CNTNAP5: variants seen among roughly 807,000 people sequenced by gnomAD.
CNTNAP5 encodes the protein contactin associated protein family member 5.
CNTNAP5 carries 72 observed loss-of-function variants against 150.2 expected under a neutral mutation model. That is an observed-to-expected ratio of 0.48 (90% confidence interval 0.40 to 0.58). The LOEUF is 0.58. CNTNAP5 is among the 20% of genes least tolerant of loss of function. The pLI is 0.00. For synonymous variants in CNTNAP5, 672 were observed against 619.8 expected (o/e 1.08, Z -1.25); for missense variants, 1,636 against 1,626.2 (o/e 1.01, Z -0.10).
intron 1 of CNTNAP5, among the ~76,000 whole-genome samples, chr2:124,043,501 A>T (rs1423415270): frequency 1.3e-5 from 2 of 152,068 alleles, no homozygotes; most frequent in African/African-American, 2.4e-5. Flanking sequence ...CAATCTTTTC[A>T]ATCTTTTTAT....
chr2:124,572,078 T>C (rs1696177410), intron 11 of CNTNAP5, among the ~76,000 whole-genome samples: 1 of 152,144 alleles, frequency 6.6e-6, no homozygotes, highest in Admixed American at 6.5e-5. Flanking sequence ...TTTGTCAGGA[T>C]CTAGGTGATT....
rs143523979 is a variant in CNTNAP5 at position 124,627,112 on chromosome 2, G to A, written c.1876+17192G>A. Among the ~76,000 whole-genome samples the A allele has an allele frequency of 5.1e-4, 77 of 152,272 alleles. 1 individual carries two copies. Among genetic ancestry groups the A allele is most frequent in the African/African-American group, 1.7e-3 (72 of 41,552 alleles). On this transcript the variant is annotated intron_variant, in intron 12 of 23. Transcript: ENST00000682447. ...CCTGAGACCCAGCATCTGCGGGGAG[G>A]GGAAGCCGTCATCTCAGGTTCAGCA... is the stretch of plus-strand genomic sequence containing the variant.
chr2:124,779,604 A>G (rs961853372), intron 17 of CNTNAP5, among the ~76,000 whole-genome samples: 2 of 152,188 alleles, frequency 1.3e-5, no homozygotes, highest in African/African-American at 4.8e-5. Flanking sequence ...TCTCCTGAGA[A>G]TTAGCTATAA....
chr2:124,903,134 T>A, intron 22 of CNTNAP5, 34 bp downstream of exon 22: 4 of 1,326,288 alleles, frequency 3.0e-6, no homozygotes, highest in Non-Finnish European at 4.1e-6. Flanking sequence ...GGAGCTTCTG[T>A]CACTAGCACT....
chr2:124,681,903 T>C (rs1009167468), intron 13 of CNTNAP5, among the ~76,000 whole-genome samples: 2 of 152,142 alleles, frequency 1.3e-5, no homozygotes, highest in Admixed American at 1.3e-4. Context: ...TTTTCAATCC[T>C]GATTCCTAGT....
chr2:124,455,369 A>G (rs1465676052), intron 6 of CNTNAP5, among the ~76,000 whole-genome samples: 1 of 152,154 alleles, frequency 6.6e-6, no homozygotes, highest in Non-Finnish European at 1.5e-5. Flanking sequence ...GATATGCTGA[A>G]CAGACCAATA....
chr2:124,049,417 G>T (rs1681632751), intron 1 of CNTNAP5, among the ~76,000 whole-genome samples: 1 of 152,152 alleles, frequency 6.6e-6, no homozygotes, highest in Admixed American at 6.5e-5. Flanking sequence ...AATGATTCTG[G>T]TGTTGATTTT....
intron 13 of CNTNAP5, among the ~76,000 whole-genome samples, chr2:124,670,104 G>A (rs1678780124): frequency 6.8e-6 from 1 of 148,116 alleles, no homozygotes; most frequent in Non-Finnish European, 1.5e-5. Context: ...ACACTTGCCT[G>A]CCTGCCTTCC....
intron 19 of CNTNAP5, among the ~76,000 whole-genome samples, chr2:124,819,513 G>T (rs1157683931): frequency 1.3e-5 from 2 of 152,052 alleles, no homozygotes; most frequent in African/African-American, 4.8e-5. Context: ...TAAACAACTG[G>T]TGATGCTGTT....
At chr2:124,141,990 C>T (rs778994157) in intron 1 of CNTNAP5, among the ~76,000 whole-genome samples, 1 of 142,068 alleles carries the variant, frequency 7.0e-6, no homozygotes, top group Non-Finnish European at 1.5e-5. Flanking sequence ...GGTTGCAATC[C>T]TAGTCTCTGA....
chr2:124,057,730 TA>T lies in CNTNAP5; in HGVS notation c.82+32001del, dbSNP rs1436807929. ...TTACCAGAATGAATCTTTTAATGGA[TA>T]AACAAGAAGGATGGTAACAGAGGCT... On this transcript the variant is annotated intron_variant, in intron 1 of 23. Transcript: ENST00000682447. Among the ~76,000 whole-genome samples, 3 of 150,010 alleles carry T rather than the reference TA, an allele frequency of 2.0e-5. No individual in the cohort carries two copies. In the East Asian group the frequency reaches 6.4e-4, roughly 32 times the overall value.
intron 6 of CNTNAP5, among the ~76,000 whole-genome samples, chr2:124,470,040 G>A (rs1693471046): frequency 6.6e-6 from 1 of 152,082 alleles, no homozygotes; most frequent in Non-Finnish European, 1.5e-5. Context: ...GAACATATAT[G>A]TGCATGTATC....
At chr2:124,337,776 G>A (rs946220281) in intron 3 of CNTNAP5, among the ~76,000 whole-genome samples, 2 of 151,956 alleles carry the variant, frequency 1.3e-5, no homozygotes, top group African/African-American at 4.8e-5. Context: ...GGTTACTGTA[G>A]CCTTGTAGTA....
At chr2:124,727,840 T>C (rs2105123596) in intron 13 of CNTNAP5, among the ~76,000 whole-genome samples, 1 of 152,210 alleles carries the variant, frequency 6.6e-6, no homozygotes, top group South Asian at 2.1e-4. Context: ...CTTTAAGTAC[T>C]ATGTTGAATA....
chr2:124,400,813 A>G (rs932154844), intron 3 of CNTNAP5, among the ~76,000 whole-genome samples: 1 of 152,044 alleles, frequency 6.6e-6, no homozygotes, highest in Admixed American at 6.6e-5. Flanking sequence ...GTGCAGAGAC[A>G]GAAATATAAA....
intron 13 of CNTNAP5, among the ~76,000 whole-genome samples, chr2:124,737,333 T>A (rs62171325): frequency 0.01 from 1,537 of 148,302 alleles, 18 homozygotes; most frequent in Middle Eastern, 0.025. Context: ...GATGTTGGAG[T>A]GCTTTGGATA....
chr2:124,910,587 C>A (rs986090032), intron 22 of CNTNAP5, among the ~76,000 whole-genome samples: 4 of 151,936 alleles, frequency 2.6e-5, no homozygotes, highest in Non-Finnish European at 1.5e-5. Context: ...AATAGAAAGA[C>A]TCTGAGTGCA....
At chr2:124,278,304 T>TA (rs1283219960) in intron 3 of CNTNAP5, among the ~76,000 whole-genome samples, 1 of 152,064 alleles carries the variant, frequency 6.6e-6, no homozygotes, top group Non-Finnish European at 1.5e-5. Flanking sequence ...AACTTGAAGA[T>TA]AAAAAAATAA....
chr2:124,818,604 AT>A, intron 19 of CNTNAP5, among the ~76,000 whole-genome samples: 1 of 152,176 alleles, frequency 6.6e-6, no homozygotes, highest in African/African-American at 2.4e-5. Flanking sequence ...CAAATTCTGA[AT>A]CCAAGCACTG....
Sources: allele counts gnomAD v4.1 joint callset (sites outside exome capture counted in the v4.1 genomes callset), GRCh38; gene constraint gnomAD v4.1.1; transcripts MANE v1.5; gene names NCBI Gene and HGNC (gene_info 2026-07-23, HGNC 2026-07-21).